Variants in FNDC3A observed in about 807,000 individuals in gnomAD.
FNDC3A encodes fibronectin type-III domain-containing protein 3A.
Under a neutral mutation model 148.9 loss-of-function variants are expected in FNDC3A, and 32 were observed. The ratio of observed to expected loss-of-function variants is 0.21; its 90% CI spans 0.16 to 0.29. The LOEUF (loss-of-function observed/expected upper bound fraction) is 0.29. FNDC3A is among the 10% of genes least tolerant of loss of function. The pLI, the probability that FNDC3A is intolerant of heterozygous loss-of-function variation, is 1.00. For missense variants in FNDC3A, 1,191 were observed against 1,452.8 expected (o/e 0.82, Z 2.93); for synonymous variants, 472 against 473.6 (o/e 1.00, Z 0.04).
chr13:49,059,599 G>T lies in FNDC3A; in HGVS notation c.100-15690G>T, dbSNP rs527758254. On this transcript the variant is annotated intron_variant, in intron 2 of 25. Transcript: ENST00000492622. ...GCCTCCCAAGTGGCTGGGATTACAG[G>T]CACCTGCCACCATGCCTGGCTAATT... Among the ~76,000 whole-genome samples the T allele has an allele frequency of 4.6e-5, 7 of 152,236 alleles. No individual in the cohort carries two copies. The South Asian group carries it at 1.4e-3, about 32-fold the overall frequency.
chr13:49,114,680 C>A lies in FNDC3A; in HGVS notation c.201C>A (p.Ser67=), dbSNP rs761656542. The A allele has an allele frequency of 1.2e-5, 20 of 1,612,960 alleles. No homozygotes were observed. Among genetic ancestry groups the A allele is most frequent in the Non-Finnish European group, 1.6e-5 (19 of 1,179,170 alleles). ...ITGPAQVPMM[S]PNGSVPPIYV... ...GTCCTGCTCAGGTTCCAATGATGTC[C>A]CCAAATGGTTCTGTGCCTCCTATCT... The change falls in exon 4 of 26, where the codon TCC becomes TCA. Residue 67 remains serine (S), a synonymous_variant. Transcript: ENST00000492622.
At chr13:49,013,547 T>C (rs199994757) in intron 2 of FNDC3A, among the ~76,000 whole-genome samples, 116 of 151,182 alleles carry the variant, frequency 7.7e-4, no homozygotes, top group East Asian at 7.2e-3. Context: ...CGTGTACATG[T>C]GTATACATAT....
At chr13:49,000,286 A>G (rs961651333) in intron 1 of FNDC3A, among the ~76,000 whole-genome samples, 1 of 152,176 alleles carries the variant, frequency 6.6e-6, no homozygotes, top group African/African-American at 2.4e-5. Context: ...CAAATTCATT[A>G]TTTTGCATGT....
chr13:49,136,713 A>G, intron 6 of FNDC3A, 112 bp downstream of exon 6: 1 of 1,038,526 alleles, frequency 9.6e-7, no homozygotes, highest in Non-Finnish European at 1.4e-6. Flanking sequence ...ATAGACTGTT[A>G]CAGGCTGCTG....
chr13:49,114,410 T>TCCCCCCCCCCC (rs71188346), intron 3 of FNDC3A, among the ~76,000 whole-genome samples: 6 of 81,686 alleles, frequency 7.3e-5, no homozygotes, highest in Non-Finnish European at 1.6e-4. Flanking sequence ...CCCTCCAACC[T>TCCCCCCCCCCC]CCCCGCCCCC....
Position 49,175,412 on chromosome 13 carries a change from T to A in FNDC3A, c.1401T>A (p.Pro467=). 1.2e-6 allele frequency: 2 copies of A among 1,612,006 alleles called. No individual in the cohort carries two copies. The highest frequency in any genetic ancestry group is 1.7e-6 in the Non-Finnish European group (2 of 1,179,102). Residue 467 remains proline (P), a synonymous_variant, in exon 13 of 26, where the codon CCT becomes CCA. Coordinates refer to ENST00000492622, the MANE Select transcript of FNDC3A (RefSeq NM_001079673.2). ...TATATTACACCTCAGGCTGTGCTCC[T>A]TCTATGCCAGCAAGTCCTGTATTAA... is the stretch of plus-strand genomic sequence containing the variant. ...EVLYYTSGCA[P]SMPASPVLTK...
At chr13:49,156,644 T>C (rs1883710689) in intron 8 of FNDC3A, among the ~76,000 whole-genome samples, 1 of 151,742 alleles carries the variant, frequency 6.6e-6, no homozygotes, top group Non-Finnish European at 1.5e-5. Context: ...GGCATGATTT[T>C]GCAGCGGCTG....
chr13:49,002,956 T>A (rs1952152517), intron 1 of FNDC3A, among the ~76,000 whole-genome samples: 1 of 152,246 alleles, frequency 6.6e-6, no homozygotes, highest in Non-Finnish European at 1.5e-5. Flanking sequence ...CCTTGGTAGA[T>A]AATGTCAAAC....
At chr13:49,037,782 G>T (rs1007769377) in intron 2 of FNDC3A, among the ~76,000 whole-genome samples, 1 of 152,210 alleles carries the variant, frequency 6.6e-6, no homozygotes, top group Non-Finnish European at 1.5e-5. Flanking sequence ...AGATGGGCAG[G>T]TGCAGGAGCC....
chr13:48,997,582 G>C (rs537548163), intron 1 of FNDC3A, among the ~76,000 whole-genome samples: 37 of 152,206 alleles, frequency 2.4e-4, no homozygotes, highest in Non-Finnish European at 5.0e-4. Context: ...AAGAAGAAGA[G>C]ACTTGAGCTT....
intron 4 of FNDC3A, among the ~76,000 whole-genome samples, chr13:49,128,487 G>A (rs531610886): frequency 6.6e-6 from 1 of 152,214 alleles, no homozygotes; most frequent in African/African-American, 2.4e-5. Context: ...CTTTCTAGGT[G>A]TTAATAGTGC....
intron 24 of FNDC3A, 83 bp downstream of exon 24, chr13:49,202,049 T>A: frequency 1.1e-6 from 1 of 932,256 alleles, no homozygotes; most frequent in Non-Finnish European, 1.5e-6. Context: ...TTACTGATAT[T>A]AAAATTTAGC....
chr13:49,114,218 T>C (rs1880770204), intron 3 of FNDC3A, among the ~76,000 whole-genome samples: 6 of 152,078 alleles, frequency 3.9e-5, no homozygotes, highest in Admixed American at 3.9e-4. Flanking sequence ...TTTTGAAAAT[T>C]TTGCCTTTTG....
At chr13:49,045,389 A>T in intron 2 of FNDC3A, 2 of 159,842 alleles carry the variant, frequency 1.3e-5, no homozygotes, top group Non-Finnish European at 2.7e-5. Context: ...CCTGACCTCA[A>T]GGATACTCCT....
Position 49,208,148 on chromosome 13 carries a change from A to G in FNDC3A, c.*753A>G, listed in dbSNP as rs1226618227. ...TTTAAATACTTTTTAGAAAGTAATC[A>G]TAAAAGTAAATTGAATTTCAAACCT... On this transcript the variant is annotated 3_prime_UTR_variant, in exon 26 of 26. Coordinates refer to ENST00000492622, the MANE Select transcript of FNDC3A (RefSeq NM_001079673.2). 1.3e-5 allele frequency: 2 copies of G among 152,254 alleles called. No individual in the cohort carries two copies. The allele number at this position is 152,254 out of a possible 1,614,324, so 9.4% of individuals were successfully genotyped here.
chr13:48,998,311 C>T (rs930071520), intron 1 of FNDC3A, among the ~76,000 whole-genome samples: 4 of 152,092 alleles, frequency 2.6e-5, no homozygotes, highest in East Asian at 3.9e-4. Flanking sequence ...ATTAAAAATC[C>T]GAAATATAAA....
At chr13:49,078,206 G>T (rs2137788043) in intron 3 of FNDC3A, among the ~76,000 whole-genome samples, 1 of 152,254 alleles carries the variant, frequency 6.6e-6, no homozygotes, top group South Asian at 2.1e-4. Flanking sequence ...ATTATAAGTA[G>T]CTTATATTTC....
intron 2 of FNDC3A, among the ~76,000 whole-genome samples, chr13:49,069,989 C>A (rs1188208061): frequency 6.6e-6 from 1 of 151,948 alleles, no homozygotes; most frequent in Non-Finnish European, 1.5e-5. Flanking sequence ...ATTTTAGATA[C>A]ATCAAGGAAA....
Position 49,166,417 on chromosome 13 carries a change from G to A in FNDC3A, c.978-827G>A, listed in dbSNP as rs145816839. 3.6e-3 allele frequency among the ~76,000 whole-genome samples: 543 copies of A among 152,322 alleles called. 1 individual carries two copies. Among genetic ancestry groups the A allele is most frequent in the African/African-American group, 0.012 (518 of 41,574 alleles). ...AGTGGGGCTCCAGACATGTGGAGATGTGGGGACTGTAGGGCTTGTGGGCAG... is the reference window on the plus strand; with the variant it reads ...AGTGGGGCTCCAGACATGTGGAGATATGGGGACTGTAGGGCTTGTGGGCAG... On this transcript the variant is annotated intron_variant, in intron 8 of 25. Transcript: ENST00000492622.
Sources: allele counts gnomAD v4.1 joint callset (sites outside exome capture counted in the v4.1 genomes callset), GRCh38; gene constraint gnomAD v4.1.1; transcripts MANE v1.5; gene names NCBI Gene and HGNC (gene_info 2026-07-23, HGNC 2026-07-21).